Variants in CLSTN3 observed in about 807,000 individuals in gnomAD.
The protein encoded by CLSTN3 is calsyntenin-3.
Under a neutral mutation model 95.9 loss-of-function variants are expected in CLSTN3, and 36 were observed. That is an observed-to-expected ratio of 0.38 (90% confidence interval 0.29 to 0.50). The LOEUF (loss-of-function observed/expected upper bound fraction) is 0.50, where lower values mean the gene tolerates loss of function less well. CLSTN3 is among the 20% of genes least tolerant of loss of function. The pLI is 0.95. For missense variants in CLSTN3, 1,084 were observed against 1,268.8 expected, an observed-to-expected ratio of 0.85 and a Z score of 2.21; for synonymous variants, 481 against 504.0, an observed-to-expected ratio of 0.95 and a Z score of 0.61.
chr12:7,145,293 A>G (rs1042196853), intron 12 of CLSTN3, among the ~76,000 whole-genome samples: 2 of 152,150 alleles, frequency 1.3e-5, no homozygotes, highest in African/African-American at 4.8e-5. Context: ...AGGTTACTAC[A>G]TGGTTGGTGC....
intron 16 of CLSTN3, among the ~76,000 whole-genome samples, chr12:7,153,222 T>C (rs1316437625): frequency 6.6e-6 from 1 of 152,154 alleles, no homozygotes; most frequent in Non-Finnish European, 1.5e-5. Context: ...GTGGTAATCC[T>C]AGCTCACTGG....
At chr12:7,142,718 C>CTTTTT in intron 10 of CLSTN3, 151 bp from the exon 11 acceptor site, 3 of 306,676 alleles carry the variant, frequency 9.8e-6, no homozygotes, top group Non-Finnish European at 1.8e-5. Flanking sequence ...CTCTTTTTTC[C>CTTTTT]TTTTTTTTTT....
chr12:7,157,517 T>C lies in CLSTN3; in HGVS notation c.2556T>C (p.Ile852=). 6.2e-7 allele frequency: 1 copy of C among 1,602,906 alleles called. No homozygotes were observed. Among genetic ancestry groups the C allele is most frequent in the Non-Finnish European group, 8.5e-7 (1 of 1,174,108 alleles). Reference sequence around the variant, plus strand: ...TACCCAGCGCCGCAACCCTCATCATTGTGGTGTGCGTGGGCTTCCTGGTGC... The same window carrying C: ...TACCCAGCGCCGCAACCCTCATCATCGTGGTGTGCGTGGGCTTCCTGGTGC... ...SMIPSAATLI[I]VVCVGFLVLM... The change falls in exon 17 of 18, where the codon ATT becomes ATC. Residue 852 remains isoleucine (I), a synonymous_variant. Coordinates refer to ENST00000266546, the MANE Select transcript of CLSTN3 (RefSeq NM_014718.4). The surrounding 1 kb of genome is among the most constrained non-coding windows in gnomAD (Gnocchi z 5.9).
Position 7,155,990 on chromosome 12 carries a change from C to T in CLSTN3, c.2528-1499C>T, listed in dbSNP as rs376902740. The T allele has an allele frequency of 1.6e-4, 56 of 342,014 alleles. 1 individual carries two copies. In the East Asian group the frequency reaches 2.8e-3, roughly 17 times the overall value. The allele number at this position is 342,014 out of a possible 1,614,324, so 21.2% of individuals were successfully genotyped here. A position where few individuals can be genotyped will look rare whatever the true frequency, so the allele number is the denominator to read the frequency against. On this transcript the variant is annotated intron_variant, in intron 16 of 17. Coordinates refer to ENST00000266546, the MANE Select transcript of CLSTN3 (RefSeq NM_014718.4). The stretch of plus-strand genomic sequence containing the variant: ...AGGAGCTCCTGGGCCATGCGCTTCC[C>T]TACGCTCTGCTCTGTCTGTTGACAC...
intron 16 of CLSTN3, among the ~76,000 whole-genome samples, chr12:7,153,470 A>G (rs1565654629): frequency 6.6e-6 from 1 of 152,162 alleles, no homozygotes; most frequent in Non-Finnish European, 1.5e-5. Flanking sequence ...TCAGTGTTCT[A>G]CTGTGATTCA....
chr12:7,155,223 C>G (rs772914438), intron 16 of CLSTN3, among the ~76,000 whole-genome samples: 2 of 152,330 alleles, frequency 1.3e-5, no homozygotes, highest in Non-Finnish European at 2.9e-5. Flanking sequence ...GAACGCACTT[C>G]TTAAATTCTT....
rs372898557 is a variant in CLSTN3, at chr12:7,133,329, G to C, written c.187+183G>C. On this transcript the variant is annotated intron_variant, in intron 2 of 17. Transcript: ENST00000266546. The surrounding 1 kb of genome is among the most constrained non-coding windows in gnomAD (Gnocchi z 4.7). The stretch of plus-strand genomic sequence containing the variant: ...AGATTGAGTCAAGGATGCCAGAAAA[G>C]GACATGGCCAGGCAAGGGTTAAACA... 6.6e-5 allele frequency among the ~76,000 whole-genome samples: 10 copies of C among 152,166 alleles called. No individual in the cohort carries two copies. The highest frequency in any genetic ancestry group is 2.4e-4 in the African/African-American group (10 of 41,428).
intron 12 of CLSTN3, among the ~76,000 whole-genome samples, chr12:7,146,378 C>A (rs1051324773): frequency 6.6e-6 from 1 of 151,574 alleles, no homozygotes; most frequent in East Asian, 1.9e-4. Flanking sequence ...CCAGCCTGGG[C>A]GACAAAGCGA....
At chr12:7,151,231 C>T (rs1939719289) in intron 16 of CLSTN3, 168 bp downstream of exon 16, 3 of 642,964 alleles carry the variant, frequency 4.7e-6, no homozygotes, top group Non-Finnish European at 7.3e-6. Context: ...ATCCCTCTCT[C>T]CCTTTGGATC....
intron 3 of CLSTN3, 87 bp from the exon 4 acceptor site, chr12:7,135,240 G>T: frequency 7.9e-7 from 1 of 1,271,226 alleles, no homozygotes; most frequent in Non-Finnish European, 1.1e-6. Context: ...GCTGTACCTC[G>T]GTGTGCTGTA....
At chr12:7,147,200 A>G (rs915449994) in intron 12 of CLSTN3, among the ~76,000 whole-genome samples, 1 of 151,730 alleles carries the variant, frequency 6.6e-6, no homozygotes, top group Non-Finnish European at 1.5e-5. Context: ...TCCCTGGTGC[A>G]AACCCAGGCC....
chr12:7,155,034 G>A (rs954042132), intron 16 of CLSTN3, among the ~76,000 whole-genome samples: 1 of 152,074 alleles, frequency 6.6e-6, no homozygotes, highest in Non-Finnish European at 1.5e-5. Flanking sequence ...AGTGCGGGGG[G>A]CAGAAAGAAA....
intron 16 of CLSTN3, chr12:7,156,842 G>C (rs1341088600): frequency 6.6e-6 from 3 of 455,790 alleles, no homozygotes; most frequent in African/African-American, 6.0e-5. Context: ...GCCTCAGGGG[G>C]AGATGTTGGG....
At chr12:7,152,711 G>A (rs775622837) in intron 16 of CLSTN3, among the ~76,000 whole-genome samples, 3 of 152,148 alleles carry the variant, frequency 2.0e-5, no homozygotes, top group Non-Finnish European at 4.4e-5. Context: ...GGGGGATTAC[G>A]CTTATTAACT....
intron 16 of CLSTN3, chr12:7,156,996 C>T: frequency 2.8e-6 from 1 of 361,386 alleles, no homozygotes; most frequent in Non-Finnish European, 5.5e-6. Context: ...CTAGTGCCCT[C>T]TTCCTGCAGC....
At chr12:7,146,990 A>C (rs1299346961) in intron 12 of CLSTN3, among the ~76,000 whole-genome samples, 1 of 152,246 alleles carries the variant, frequency 6.6e-6, no homozygotes, top group East Asian at 1.9e-4. Context: ...TGAGCTCATC[A>C]TGCCTACTGA....
chr12:7,157,349 G>C lies in CLSTN3; in HGVS notation c.2528-140G>C, dbSNP rs1326627970. The C allele has an allele frequency of 1.5e-6, 1 of 675,998 alleles. No homozygotes were observed. Among genetic ancestry groups the C allele is most frequent in the Non-Finnish European group, 2.4e-6 (1 of 420,156 alleles). 41.9% of individuals were successfully genotyped at this position (675,998 alleles called of 1,614,324 possible). Reference sequence around the variant, plus strand: ...TGTTTCTCTTCTGGCTTCTCCAGGTGTTCCTCTCTTCTCGGCCACCGTGTG... The same window carrying C: ...TGTTTCTCTTCTGGCTTCTCCAGGTCTTCCTCTCTTCTCGGCCACCGTGTG... On this transcript the variant is annotated intron_variant, in intron 16 of 17. Coordinates refer to ENST00000266546, the MANE Select transcript of CLSTN3 (RefSeq NM_014718.4). The surrounding 1 kb of genome is among the most constrained non-coding windows in gnomAD (Gnocchi z 5.9).
chr12:7,148,915 G>A (rs1005369451), intron 12 of CLSTN3, 57 bp from the exon 13 acceptor site: 3 of 1,465,800 alleles, frequency 2.0e-6, no homozygotes, highest in African/African-American at 2.8e-5. Flanking sequence ...ACAGAATGTG[G>A]GTTTTCGGGG....
At chr12:7,142,046 G>C in intron 9 of CLSTN3, 40 bp from the exon 10 acceptor site, 1 of 1,474,026 alleles carries the variant, frequency 6.8e-7, no homozygotes, top group African/African-American at 1.4e-5. Flanking sequence ...CCACATCCCT[G>C]AGCTCACCAG....
Sources: allele counts gnomAD v4.1 joint callset (sites outside exome capture counted in the v4.1 genomes callset), GRCh38; gene constraint gnomAD v4.1.1; non-coding constraint Gnocchi (gnomAD v3.1); transcripts MANE v1.5; gene names NCBI Gene and HGNC (gene_info 2026-07-23, HGNC 2026-07-21).